Variants in ADAMTS14 observed in about 807,000 individuals in gnomAD.
The protein encoded by ADAMTS14 is A disintegrin and metalloproteinase with thrombospondin motifs 14.
A neutral mutation model predicts 128.6 loss-of-function variants in ADAMTS14; 100 were observed. The observed-to-expected ratio is 0.78, with a 90% CI of 0.66 to 0.92. The LOEUF is 0.92. Ranked by LOEUF, ADAMTS14 falls within the 40% of genes least tolerant of loss-of-function variation. ADAMTS14 has a pLI of 0.00. For synonymous variants in ADAMTS14, 665 were observed against 653.8 expected (o/e 1.02, Z -0.26); for missense variants, 1,562 against 1,658.6 (o/e 0.94, Z 1.01).
In ADAMTS14 at chr10:70,708,790, T is replaced by A. The variant is rs774416382; in HGVS notation, c.870+12T>A. The A allele has an allele frequency of 2.2e-6, 3 of 1,357,936 alleles. No individual in the cohort carries two copies. The Admixed American group carries it at 5.7e-5, about 26-fold the overall frequency. The allele number at this position is 1,357,936 out of a possible 1,614,324, so 84.1% of individuals were successfully genotyped here. A position where few individuals can be genotyped will look rare whatever the true frequency, so the allele number is the denominator to read the frequency against. On this transcript the variant is annotated intron_variant, in intron 4 of 21. Transcript: ENST00000373207. ...CCCTCATGAATATCGTGAGTGTCCA[T>A]GTGTCCTAGGACTTGGGGGGAGTGG...
At chr10:70,756,990 T>C (rs750190606) in intron 19 of ADAMTS14, among the ~76,000 whole-genome samples, 4 of 152,138 alleles carry the variant, frequency 2.6e-5, no homozygotes, top group Non-Finnish European at 4.4e-5. Flanking sequence ...ATATGCCGTG[T>C]TTGTCTCGTA....
In ADAMTS14 at chr10:70,736,604, T is replaced by A; in HGVS notation, c.1486-76T>A. 4 of 1,412,168 alleles carry A rather than the reference T, an allele frequency of 2.8e-6. No homozygotes were observed. In the South Asian group the frequency reaches 5.2e-5, roughly 18 times the overall value. The allele number at this position is 1,412,168 out of a possible 1,614,324, so 87.5% of individuals were successfully genotyped here. A position where few individuals can be genotyped will look rare whatever the true frequency, so the allele number is the denominator to read the frequency against. ...GGTGCCTGCACTCATCACACCCTCT[T>A]TTCTCTCCATCACTACCCTTTGTTC... On this transcript the variant is annotated intron_variant, in intron 9 of 21. Coordinates refer to ENST00000373207, the MANE Select transcript of ADAMTS14 (RefSeq NM_080722.4).
chr10:70,755,276 C>T (rs557389160), intron 19 of ADAMTS14, among the ~76,000 whole-genome samples: 1 of 147,936 alleles, frequency 6.8e-6, no homozygotes, highest in South Asian at 2.1e-4. Flanking sequence ...CATGCCACTG[C>T]ACTCCAGCCT....
At chr10:70,743,069 T>G (rs1842055653) in intron 12 of ADAMTS14, among the ~76,000 whole-genome samples, 5 of 152,234 alleles carry the variant, frequency 3.3e-5, no homozygotes, top group Non-Finnish European at 7.3e-5. Flanking sequence ...CGTGTGGTTG[T>G]GTGGACTTGA....
intron 7 of ADAMTS14, among the ~76,000 whole-genome samples, chr10:70,732,901 T>C (rs140094618): frequency 3.9e-5 from 6 of 152,336 alleles, no homozygotes; most frequent in Non-Finnish European, 7.4e-5. Context: ...GTGTGTTCAT[T>C]CATTCAATAT....
intron 2 of ADAMTS14, among the ~76,000 whole-genome samples, chr10:70,697,433 A>T (rs1203148621): frequency 1.3e-5 from 2 of 152,162 alleles, no homozygotes; most frequent in Non-Finnish European, 2.9e-5. Context: ...CATGTCTGAC[A>T]TGTCTCCCAG....
At chr10:70,756,111 A>AGAAAAAGTACTTCAGTATGAAGT (rs1474145566) in intron 19 of ADAMTS14, among the ~76,000 whole-genome samples, 1 of 152,208 alleles carries the variant, frequency 6.6e-6, no homozygotes, top group Admixed American at 6.5e-5. Context: ...CATTTAGGTG[A>AGAAAAAGTACTTCAGTATGAAGT]GAAAAAGTAC....
intron 4 of ADAMTS14, among the ~76,000 whole-genome samples, chr10:70,728,461 C>A (rs1453346931): frequency 6.6e-6 from 1 of 152,156 alleles, no homozygotes; most frequent in Non-Finnish European, 1.5e-5. Flanking sequence ...GCTGGAGTAT[C>A]CAATGGGACC....
intron 4 of ADAMTS14, among the ~76,000 whole-genome samples, chr10:70,723,613 G>A (rs1243178076): frequency 2.0e-5 from 3 of 152,232 alleles, no homozygotes; most frequent in Non-Finnish European, 2.9e-5. Flanking sequence ...GGAGGCGCTT[G>A]TGGGCTGTGC....
At chr10:70,702,810 C>T (rs1840538303) in intron 3 of ADAMTS14, among the ~76,000 whole-genome samples, 2 of 152,134 alleles carry the variant, frequency 1.3e-5, no homozygotes, top group Admixed American at 1.3e-4. Context: ...CTAAAATTGA[C>T]TCAACCCTTG....
rs1036637736 is a variant in ADAMTS14 at position 70,711,968 on chromosome 10, T to C, written c.870+3190T>C. ...AAGTCTGTCCCTGGCCGCCCCTGTG[T>C]GTGGACACTTCTTCCATCCCAGGAG... On this transcript the variant is annotated intron_variant, in intron 4 of 21. Transcript: ENST00000373207. Among the ~76,000 whole-genome samples the C allele has an allele frequency of 9.2e-5, 14 of 152,100 alleles. 1 individual carries two copies. The highest frequency in any genetic ancestry group is 6.5e-4 in the Admixed American group (10 of 15,290).
chr10:70,732,398 T>C lies in ADAMTS14; in HGVS notation c.1208+39T>C, dbSNP rs115372350. 2.6e-3 allele frequency: 3,986 copies of C among 1,545,930 alleles called. 94 individuals are homozygous for C. In the African/African-American group the frequency reaches 0.048, roughly 19 times the overall value. ...GCACGGTGGGTGGGACTGGCAGCTGTGCCGTGAGCTCCAGGGAATTCTGTG... is the reference window on the plus strand; with the variant it reads ...GCACGGTGGGTGGGACTGGCAGCTGCGCCGTGAGCTCCAGGGAATTCTGTG... On this transcript the variant is annotated intron_variant, in intron 7 of 21. Transcript: ENST00000373207.
chr10:70,681,682 C>T (rs1260697274), intron 2 of ADAMTS14, among the ~76,000 whole-genome samples: 2 of 152,274 alleles, frequency 1.3e-5, no homozygotes, highest in African/African-American at 4.8e-5. Flanking sequence ...CTGTGGGCGC[C>T]CTGGGAAGCT....
At chr10:70,738,031 C>T (rs1841880681) in intron 10 of ADAMTS14, among the ~76,000 whole-genome samples, 1 of 152,080 alleles carries the variant, frequency 6.6e-6, no homozygotes, top group African/African-American at 2.4e-5. Context: ...AAGTTCCTAC[C>T]CCTAGTGATT....
intron 2 of ADAMTS14, among the ~76,000 whole-genome samples, chr10:70,687,338 A>G (rs1391688026): frequency 2.0e-5 from 1 of 50,018 alleles, no homozygotes; most frequent in Non-Finnish European, 4.0e-5. Flanking sequence ...CGGGGGGCCG[A>G]CCCCCCCACC....
At chr10:70,708,817 G>GT in intron 4 of ADAMTS14, 39 bp downstream of exon 4, 1 of 1,349,892 alleles carries the variant, frequency 7.4e-7, no homozygotes, top group East Asian at 2.7e-5. Context: ...GGGGAGTGGG[G>GT]TGGGGTGGGC....
At position 70,672,877 on chromosome 10, in the gene ADAMTS14, G is replaced by A; in HGVS notation, c.75G>A (p.Arg25=). ...CGCTCTGCGCCGCCGCGGGCAGCCG[G>A]ACCCCAGGTGCGTGCGGGTTGGGCG... ...HCALCAAAGS[R]TPELHLSGKL... Residue 25 remains arginine, a synonymous_variant, in exon 1 of 22, where the codon CGG becomes CGA. Coordinates refer to ENST00000373207, the MANE Select transcript of ADAMTS14 (RefSeq NM_080722.4). The A allele has an allele frequency of 6.7e-7, 1 of 1,491,116 alleles. No homozygotes were observed. The highest frequency in any genetic ancestry group is 8.9e-7 in the Non-Finnish European group (1 of 1,126,558). The allele number at this position is 1,491,116 out of a possible 1,614,324, so 92.4% of individuals were successfully genotyped here. A position where few individuals can be genotyped will look rare whatever the true frequency, so the allele number is the denominator to read the frequency against.
intron 2 of ADAMTS14, among the ~76,000 whole-genome samples, chr10:70,697,584 T>G (rs759179159): frequency 2.0e-5 from 3 of 152,262 alleles, no homozygotes; most frequent in Non-Finnish European, 4.4e-5. Flanking sequence ...CGTACTCATT[T>G]CAAAACAATT....
intron 14 of ADAMTS14, 126 bp downstream of exon 14, chr10:70,744,315 T>A: frequency 7.7e-7 from 1 of 1,293,602 alleles, no homozygotes; most frequent in Non-Finnish European, 1.0e-6. Flanking sequence ...GGGGCCCATC[T>A]CCAGGCCTTC....
Sources: gnomAD v4.1 joint callset for allele counts (sites outside exome capture counted in the v4.1 genomes callset) on GRCh38, gnomAD v4.1.1 for gene constraint, MANE v1.5 for transcripts, NCBI Gene and HGNC (gene_info 2026-07-23, HGNC 2026-07-21) for gene names.